The following CPLX2 variants were observed in gnomAD, a reference collection of about 807,000 sequenced individuals.
CPLX2 encodes the protein complexin 2, also known as complexin-2.
In CPLX2, 5 loss-of-function variants were observed where a neutral mutation model predicts 16.3. The observed-to-expected ratio is 0.31, with a 90% confidence interval of 0.16 to 0.64. The LOEUF is 0.64. Ranked by LOEUF, CPLX2 falls within the 30% of genes least tolerant of loss-of-function variation. CPLX2 has a pLI of 0.79. For synonymous variants in CPLX2, 89 were observed against 73.2 expected, an observed-to-expected ratio of 1.22 and a Z score of -1.10; for missense variants, 144 against 181.4, an observed-to-expected ratio of 0.79 and a Z score of 1.18.
At chr5:175,836,428 G>A (rs1758843407) in intron 2 of CPLX2, among the ~76,000 whole-genome samples, 1 of 152,234 alleles carries the variant, frequency 6.6e-6, no homozygotes, top group Non-Finnish European at 1.5e-5. Flanking sequence ...ACTGGTTCGT[G>A]CTCCTGGTCA....
intron 2 of CPLX2, among the ~76,000 whole-genome samples, chr5:175,857,573 CA>C (rs1414048605): frequency 2.6e-5 from 4 of 152,338 alleles, no homozygotes; most frequent in Admixed American, 6.5e-5. Flanking sequence ...TCAACTACCA[CA>C]AAGCTGCTTT....
At chr5:175,853,756 G>A (rs893068236) in intron 2 of CPLX2, among the ~76,000 whole-genome samples, 1 of 152,134 alleles carries the variant, frequency 6.6e-6, no homozygotes, top group Non-Finnish European at 1.5e-5. Flanking sequence ...GAACCACACG[G>A]CCAGAGCACA....
chr5:175,868,547 C>T (rs536017940), upstream of CPLX2, among the ~76,000 whole-genome samples: 69 of 152,300 alleles, frequency 4.5e-4, no homozygotes, highest in Admixed American at 1.2e-3. Context: ...TACCAGGTGA[C>T]TCTTAGAAGC....
chr5:175,826,629 G>A (rs116558374), intron 2 of CPLX2, among the ~76,000 whole-genome samples: 3,100 of 152,110 alleles, frequency 0.02, 55 homozygotes, highest in South Asian at 0.049. Context: ...GGAAGGAGAC[G>A]AAGAAAGGAA....
intron 2 of CPLX2, among the ~76,000 whole-genome samples, chr5:175,820,299 T>G (rs546958084): frequency 6.6e-6 from 1 of 152,326 alleles, no homozygotes; most frequent in South Asian, 2.1e-4. Flanking sequence ...GCCCTTAGTT[T>G]ACTTGGCACA....
intron 2 of CPLX2, among the ~76,000 whole-genome samples, chr5:175,814,827 G>A (rs1008775296): frequency 3.3e-5 from 5 of 152,246 alleles, no homozygotes; most frequent in East Asian, 1.9e-4. Context: ...AGCCACAGCC[G>A]CTTTTTTCCT....
At chr5:175,841,489 A>G (rs1544923) in intron 2 of CPLX2, among the ~76,000 whole-genome samples, 23,875 of 152,190 alleles carry the variant, frequency 0.16, 2,224 homozygotes, top group East Asian at 0.29. Context: ...CAGAGCAGGG[A>G]ACGTGGGGTA....
intron 2 of CPLX2, chr5:175,861,676 C>G (rs1187427862): frequency 6.6e-6 from 1 of 152,406 alleles, no homozygotes; most frequent in South Asian, 2.1e-4. Context: ...GGGAGCACAG[C>G]GGCTTCCTGA....
chr5:175,812,831 G>T (rs911666401), intron 2 of CPLX2, among the ~76,000 whole-genome samples: 1 of 152,180 alleles, frequency 6.6e-6, no homozygotes, highest in Non-Finnish European at 1.5e-5. Flanking sequence ...CAAAAGCTTC[G>T]CTTTTATCTG....
chr5:175,876,079 G>A (rs1480527543), intron 1 of CPLX2, among the ~76,000 whole-genome samples: 2 of 152,114 alleles, frequency 1.3e-5, no homozygotes, highest in Admixed American at 1.3e-4. Context: ...TCCAGGAGAA[G>A]GTAAATGTGT....
intron 1 of CPLX2, among the ~76,000 whole-genome samples, chr5:175,874,347 A>G (rs1417961342): frequency 1.3e-5 from 2 of 152,158 alleles, no homozygotes. Context: ...CCCCCATCCC[A>G]ATCTTAACTC....
chr5:175,835,135 A>T (rs1378462667), intron 2 of CPLX2, among the ~76,000 whole-genome samples: 1 of 152,254 alleles, frequency 6.6e-6, no homozygotes, highest in Non-Finnish European at 1.5e-5. Flanking sequence ...AACAGATTGC[A>T]AACAATGTGT....
rs1317223467 is a variant in CPLX2 at position 175,880,131 on chromosome 5, T to C, written c.*86T>C. Reference sequence around the variant, plus strand: ...TTTTTATTAGGTTAAGTCTCAATTCTGAAGGGGAAAACCTCAGTTGGCCTC... The same window carrying C: ...TTTTTATTAGGTTAAGTCTCAATTCCGAAGGGGAAAACCTCAGTTGGCCTC... On this transcript the variant is annotated 3_prime_UTR_variant, in exon 4 of 4. Transcript: ENST00000393745. 2.0e-6 allele frequency: 3 copies of C among 1,465,914 alleles called. No individual in the cohort carries two copies. Among genetic ancestry groups the C allele is most frequent in the Non-Finnish European group, 2.8e-6 (3 of 1,068,752 alleles). The allele number at this position is 1,465,914 out of a possible 1,614,324, so 90.8% of individuals were successfully genotyped here.
In CPLX2 at chr5:175,799,552, A is replaced by ATATATT. The variant is rs1561766335; in HGVS notation, c.-169+2773_-169+2774insTTATAT. Among the ~76,000 whole-genome samples the ATATATT allele has an allele frequency of 3.2e-3, 433 of 133,316 alleles. 5 individuals carry two copies. The highest frequency in any genetic ancestry group is 5.0e-3 in the Admixed American group (70 of 13,862). 87.5% of individuals were successfully genotyped at this position (133,316 alleles called of 152,430 possible). A position where few individuals can be genotyped will look rare whatever the true frequency, so the allele number is the denominator to read the frequency against. Reference sequence around the variant, plus strand: ...CTTTGCAAATTTCATATATATATATATATATATATATATATATATATATAG... The same window carrying ATATATT: ...CTTTGCAAATTTCATATATATATATATATATTTATATATATATATATATATATATAG... On this transcript the variant is annotated intron_variant, in intron 1 of 4. Transcript: ENST00000359546.
chr5:175,841,317 G>A (rs1372317680), intron 2 of CPLX2, among the ~76,000 whole-genome samples: 1 of 152,176 alleles, frequency 6.6e-6, no homozygotes, highest in Non-Finnish European at 1.5e-5. Context: ...CCACACAGAA[G>A]GGCAGTTTGT....
At chr5:175,866,162 A>G (rs2113695952) in intron 2 of CPLX2, among the ~76,000 whole-genome samples, 1 of 152,368 alleles carries the variant, frequency 6.6e-6, no homozygotes, top group East Asian at 1.9e-4. Flanking sequence ...CATGGAAAGC[A>G]AACTTTGATG....
chr5:175,798,277 T>G (rs1038844251), intron 1 of CPLX2, among the ~76,000 whole-genome samples: 3 of 152,168 alleles, frequency 2.0e-5, no homozygotes, highest in African/African-American at 7.2e-5. Flanking sequence ...GTAATGAGCT[T>G]AGTGGCACAT....
chr5:175,831,457 T>C (rs910230239), intron 2 of CPLX2, among the ~76,000 whole-genome samples: 1 of 152,210 alleles, frequency 6.6e-6, no homozygotes, highest in African/African-American at 2.4e-5. Context: ...TGCTCCCTCC[T>C]GCCCTGACGC....
intron 2 of CPLX2, among the ~76,000 whole-genome samples, chr5:175,836,275 G>A (rs1049691037): frequency 1.6e-4 from 24 of 152,164 alleles, no homozygotes; most frequent in Middle Eastern, 3.2e-3. Flanking sequence ...GCATGAACCC[G>A]GGAGGCGGAG....
Sources: gnomAD v4.1 joint callset for allele counts (sites outside exome capture counted in the v4.1 genomes callset) on GRCh38, gnomAD v4.1.1 for gene constraint, MANE v1.5 for transcripts, NCBI Gene and HGNC (gene_info 2026-07-23, HGNC 2026-07-21) for gene names.